The following EEFSEC variants were observed in gnomAD, a reference collection of about 807,000 sequenced individuals.
The protein encoded by EEFSEC is selenocysteine-specific elongation factor.
A neutral mutation model predicts 42.1 loss-of-function variants in EEFSEC; 43 were observed. That is an observed-to-expected ratio of 1.02 (90% CI 0.80 to 1.32). EEFSEC has a LOEUF of 1.32. Among genes scored for constraint, EEFSEC ranks in the 40% most tolerant of loss-of-function variants. The pLI is 0.00. For synonymous variants in EEFSEC, 354 were observed against 339.1 expected, an observed-to-expected ratio of 1.04 and a Z score of -0.48; for missense variants, 745 against 803.6, an observed-to-expected ratio of 0.93 and a Z score of 0.88.
chr3:128,275,774 A>G (rs2066461776), intron 4 of EEFSEC, among the ~76,000 whole-genome samples: 1 of 152,162 alleles, frequency 6.6e-6, no homozygotes, highest in African/African-American at 2.4e-5. Context: ...ACTGAGGTAA[A>G]CATGGAGCTC....
At chr3:128,262,392 C>T (rs2066308170) in intron 3 of EEFSEC, among the ~76,000 whole-genome samples, 168 bp downstream of exon 3, 2 of 152,146 alleles carry the variant, frequency 1.3e-5, no homozygotes, top group African/African-American at 4.8e-5. Context: ...CCCCACCTCC[C>T]TCAAAAAGGT....
In EEFSEC at chr3:128,194,403, G is replaced by A. The variant is rs1032978964; in HGVS notation, c.316+40580G>A. Among the ~76,000 whole-genome samples, 4 of 152,174 alleles carry A rather than the reference G, an allele frequency of 2.6e-5. No individual in the cohort carries two copies. In the East Asian group the frequency reaches 7.7e-4, roughly 29 times the overall value. ...AGGTCAGATGCTTTTGGGGTGGCAG[G>A]GTGCAGCAGTGGCTGGATGGGACTG... On this transcript the variant is annotated intron_variant, in intron 1 of 6. Coordinates refer to ENST00000254730, the MANE Select transcript of EEFSEC (RefSeq NM_021937.5).
intron 4 of EEFSEC, among the ~76,000 whole-genome samples, chr3:128,327,480 C>T (rs186472532): frequency 2.0e-5 from 3 of 152,254 alleles, no homozygotes; most frequent in Admixed American, 1.3e-4. Context: ...GTCTGGAGTT[C>T]GGAGGACAAG....
chr3:128,422,435 C>T, the EEFSEC span, among the ~76,000 whole-genome samples: 1 of 152,202 alleles, frequency 6.6e-6, no homozygotes, highest in Admixed American at 6.5e-5. Context: ...AGAAATGCCA[C>T]AGGTCCTGGC....
chr3:128,423,975 G>A, the EEFSEC span, among the ~76,000 whole-genome samples: 33 of 152,318 alleles, frequency 2.2e-4, no homozygotes, highest in Non-Finnish European at 3.8e-4. Flanking sequence ...CCTTTGCCTG[G>A]GGGGGTGATG....
At chr3:128,255,686 G>A (rs2066234609) in intron 2 of EEFSEC, among the ~76,000 whole-genome samples, 1 of 152,170 alleles carries the variant, frequency 6.6e-6, no homozygotes, top group African/African-American at 2.4e-5. Context: ...AACAGAAGTG[G>A]GATTTGTTTT....
At chr3:128,223,923 T>C (rs1413392685) in intron 1 of EEFSEC, among the ~76,000 whole-genome samples, 1 of 152,226 alleles carries the variant, frequency 6.6e-6, no homozygotes, top group African/African-American at 2.4e-5. Context: ...TTAAATAGGT[T>C]GGCTTATCCC....
intron 6 of EEFSEC, among the ~76,000 whole-genome samples, chr3:128,361,549 T>C (rs1191884566): frequency 6.6e-6 from 1 of 152,162 alleles, no homozygotes; most frequent in Non-Finnish European, 1.5e-5. Flanking sequence ...AACCGTAATA[T>C]GCAAACAGTA....
At chr3:128,241,536 G>T (rs967072151) in intron 1 of EEFSEC, among the ~76,000 whole-genome samples, 2 of 152,038 alleles carry the variant, frequency 1.3e-5, no homozygotes, top group African/African-American at 2.4e-5. Flanking sequence ...GTAGAGACGG[G>T]GTTTCACTAT....
chr3:128,258,738 G>A (rs951315872), intron 2 of EEFSEC, among the ~76,000 whole-genome samples: 19 of 151,982 alleles, frequency 1.3e-4, no homozygotes, highest in Admixed American at 2.6e-4. Flanking sequence ...TCGTTTTTTC[G>A]TTGGTTTGAG....
At chr3:128,363,194 G>A (rs550091002) in intron 6 of EEFSEC, among the ~76,000 whole-genome samples, 2 of 152,304 alleles carry the variant, frequency 1.3e-5, no homozygotes, top group East Asian at 1.9e-4. Context: ...ATTGCAACAA[G>A]CACCTCGTTT....
rs1387143125 is a variant in EEFSEC, at chr3:128,341,876, G to T, written c.1430G>T (p.Gly477Val). Residue 477 changes from glycine (G) to valine (V), a missense_variant, in exon 5 of 7, where the codon GGC becomes GTC. Transcript: ENST00000254730. ...GTGTACAAGCTGAAGCACAAGCATG[G>T]CCTTGTGGAGCGGGTGAGCATGCCC... ...LKVYKLKHKH[G>V]LVERAMDDYS... 10 of 1,612,976 alleles carry T rather than the reference G, an allele frequency of 6.2e-6. No homozygotes were observed. Among genetic ancestry groups the T allele is most frequent in the Non-Finnish European group, 7.6e-6 (9 of 1,179,606 alleles).
intron 6 of EEFSEC, among the ~76,000 whole-genome samples, chr3:128,364,662 T>C (rs2067567379): frequency 1.3e-5 from 2 of 152,198 alleles, no homozygotes; most frequent in Admixed American, 1.3e-4. Flanking sequence ...CTCATTCATC[T>C]ACTGCTGACT....
At chr3:128,412,725 C>T (rs972628258), downstream of EEFSEC, among the ~76,000 whole-genome samples, 2 of 152,204 alleles carry the variant, frequency 1.3e-5, no homozygotes, top group African/African-American at 2.4e-5. Context: ...TGACTGATAA[C>T]GGGGTTGAGC....
chr3:128,232,726 C>T (rs2065971144), intron 1 of EEFSEC, among the ~76,000 whole-genome samples: 1 of 152,176 alleles, frequency 6.6e-6, no homozygotes, highest in East Asian at 1.9e-4. Flanking sequence ...GGGAGTTGTA[C>T]TGTTGTGCAA....
chr3:128,306,586 T>C (rs1250423551), intron 4 of EEFSEC, among the ~76,000 whole-genome samples: 1 of 152,262 alleles, frequency 6.6e-6, no homozygotes, highest in Non-Finnish European at 1.5e-5. Flanking sequence ...GTTTACAATA[T>C]ATAGTAGCTT....
intron 4 of EEFSEC, among the ~76,000 whole-genome samples, chr3:128,282,362 G>C (rs1186557278): frequency 1.3e-5 from 2 of 152,244 alleles, no homozygotes; most frequent in South Asian, 4.1e-4. Context: ...TGTTTGGCTT[G>C]ACCAAATTTG....
intron 6 of EEFSEC, among the ~76,000 whole-genome samples, chr3:128,396,509 CT>C (rs2067983309): frequency 6.6e-6 from 1 of 152,224 alleles, no homozygotes; most frequent in Admixed American, 6.5e-5. Flanking sequence ...CTGGGACACA[CT>C]GTCAAATGGG....
chr3:128,412,788 G>A (rs1468752765), downstream of EEFSEC, among the ~76,000 whole-genome samples: 9 of 152,220 alleles, frequency 5.9e-5, no homozygotes, highest in African/African-American at 1.9e-4. Flanking sequence ...GAGTTGGGGC[G>A]GAGGCAGCAG....
Sources: gnomAD v4.1 joint callset for allele counts (sites outside exome capture counted in the v4.1 genomes callset) on GRCh38, gnomAD v4.1.1 for gene constraint, MANE v1.5 for transcripts, NCBI Gene and HGNC (gene_info 2026-07-23, HGNC 2026-07-21) for gene names.